FBXW7: variants seen among roughly 807,000 people sequenced by gnomAD.
FBXW7 encodes the protein F-box and WD repeat domain containing 7, also known as F-box/WD repeat-containing protein 7.
A neutral mutation model predicts 86.3 loss-of-function variants in FBXW7; 11 were observed. The observed-to-expected ratio is 0.13, with a 90% CI of 0.08 to 0.21. The LOEUF (loss-of-function observed/expected upper bound fraction) is 0.21. Among genes scored for constraint, FBXW7 ranks in the 10% least tolerant of loss-of-function variants. The pLI is 1.00. For missense variants in FBXW7, 488 were observed against 847.4 expected (o/e 0.58, Z 5.27); for synonymous variants, 313 against 297.9 (o/e 1.05, Z -0.52).
At chr4:152,497,464 C>G (rs988082506) in intron 2 of FBXW7, among the ~76,000 whole-genome samples, 1 of 149,082 alleles carries the variant, frequency 6.7e-6, no homozygotes, top group Non-Finnish European at 1.5e-5. Flanking sequence ...GGTTCAATAC[C>G]CAATAGGAAA....
intron 2 of FBXW7, among the ~76,000 whole-genome samples, chr4:152,505,876 G>A (rs955368103): frequency 6.6e-6 from 1 of 151,852 alleles, no homozygotes; most frequent in Non-Finnish European, 1.5e-5. Flanking sequence ...AAGTAGCCAG[G>A]ATTACAGACG....
At chr4:152,348,783 A>G in intron 5 of FBXW7, 1 of 832,088 alleles carries the variant, frequency 1.2e-6, no homozygotes, top group Non-Finnish European at 1.7e-6. Context: ...ATACTTTATC[A>G]TGACTAGAAG....
intron 2 of FBXW7, among the ~76,000 whole-genome samples, chr4:152,457,522 T>C (rs534132657): frequency 6.6e-6 from 1 of 151,770 alleles, no homozygotes; most frequent in South Asian, 2.1e-4. Context: ...CAGGCGCCTG[T>C]AGTCCCAGCT....
chr4:152,535,270 G>A lies in FBXW7; in HGVS notation c.-356C>T, dbSNP rs944512538. ...GGGTGGAGGCTGCGGCCGGCCCCCCGGGTCCCCCCCGGCCCCGCCGCCCTC... is the reference window on the plus strand; with the variant it reads ...GGGTGGAGGCTGCGGCCGGCCCCCCAGGTCCCCCCCGGCCCCGCCGCCCTC... On this transcript the variant is annotated 5_prime_UTR_variant, in exon 1 of 14. Transcript: ENST00000281708. 3.8e-6 allele frequency: 1 copy of A among 261,798 alleles called. No homozygotes were observed. The highest frequency in any genetic ancestry group is 7.2e-6 in the Non-Finnish European group (1 of 138,750). 16.2% of individuals were successfully genotyped at this position (261,798 alleles called of 1,614,324 possible).
chr4:152,353,190 T>C (rs1008504129), intron 4 of FBXW7, among the ~76,000 whole-genome samples: 6 of 152,150 alleles, frequency 3.9e-5, no homozygotes, highest in Non-Finnish European at 8.8e-5. Context: ...AAGCATGCTA[T>C]TTTCACTGTC....
rs555015640 is a variant in FBXW7 at position 152,362,344 on chromosome 4, C to A, written c.502-12220G>T. The stretch of plus-strand genomic sequence containing the variant: ...TCCTATGAGGAATAGTCTAAATCTA[C>A]CCAAAAGAATATCAATTCAAAGCTA... On this transcript the variant is annotated intron_variant, in intron 4 of 13. Transcript: ENST00000281708. Among the ~76,000 whole-genome samples the A allele has an allele frequency of 2.5e-4, 38 of 152,148 alleles. 1 individual carries two copies. Among genetic ancestry groups the A allele is most frequent in the Non-Finnish European group, 3.7e-4 (25 of 67,992 alleles).
chr4:152,465,649 G>A lies in FBXW7; in HGVS notation c.-119-53120C>T, dbSNP rs373634571. ...ACCTGAGGTCAGGAGTTAGAGACCA[G>A]CCTGTCCAACATGGTGAGACCCCAT... On this transcript the variant is annotated intron_variant, in intron 2 of 13. Coordinates refer to ENST00000281708, the MANE Select transcript of FBXW7 (RefSeq NM_001349798.2). Among the ~76,000 whole-genome samples, 133 of 152,108 alleles carry A rather than the reference G, an allele frequency of 8.7e-4. 1 individual carries two copies. Among genetic ancestry groups the A allele is most frequent in the African/African-American group, 3.1e-3 (129 of 41,490 alleles).
intron 4 of FBXW7, among the ~76,000 whole-genome samples, chr4:152,390,911 T>C (rs1010831805): frequency 1.3e-5 from 2 of 151,770 alleles, no homozygotes; most frequent in African/African-American, 4.8e-5. Context: ...CTCAACCAAA[T>C]TGACAGTTTG....
At chr4:152,510,318 T>C (rs1476714145) in intron 2 of FBXW7, among the ~76,000 whole-genome samples, 1 of 152,234 alleles carries the variant, frequency 6.6e-6, no homozygotes, top group East Asian at 1.9e-4. Flanking sequence ...GAAGAACAAC[T>C]GCTGATTCAA....
At chr4:152,503,499 T>C (rs1747138204) in intron 2 of FBXW7, among the ~76,000 whole-genome samples, 2 of 152,164 alleles carry the variant, frequency 1.3e-5, no homozygotes, top group Non-Finnish European at 2.9e-5. Context: ...CTCGATCTCC[T>C]GGCCTCAAGA....
chr4:152,330,517 TTTAAC>T (rs1729456256), intron 9 of FBXW7, among the ~76,000 whole-genome samples: 2 of 152,028 alleles, frequency 1.3e-5, no homozygotes. Flanking sequence ...AGATACTCAA[TTTAAC>T]TTATCTTTTA....
At chr4:152,508,234 A>G (rs1317779949) in intron 2 of FBXW7, among the ~76,000 whole-genome samples, 1 of 152,174 alleles carries the variant, frequency 6.6e-6, no homozygotes, top group Non-Finnish European at 1.5e-5. Flanking sequence ...CTGTAAGTCC[A>G]TCTGATATAA....
Position 152,332,705 on chromosome 4 carries a change from C to A in FBXW7, c.876G>T (p.Val292=). 1 of 1,585,512 alleles carries A rather than the reference C, an allele frequency of 6.3e-7. No individual in the cohort carries two copies. Among genetic ancestry groups the A allele is most frequent in the Non-Finnish European group, 8.6e-7 (1 of 1,162,346 alleles). The change falls in exon 8 of 14, where the codon GTG becomes GTT. Residue 292 remains valine (V), a synonymous_variant. Coordinates refer to ENST00000281708, the MANE Select transcript of FBXW7 (RefSeq NM_001349798.2). ...SLLPKELALY[V]LSFLEPKDLL... The stretch of plus-strand genomic sequence containing the variant: ...GGTCTTTGGGTTCCAGGAATGAAAG[C>A]ACATAGAGTGCCAACTAAGAAAAAA...
At chr4:152,521,707 GATCCCAGCAAAGAAGA>G (rs1322400937) in intron 2 of FBXW7, among the ~76,000 whole-genome samples, 5 of 151,834 alleles carry the variant, frequency 3.3e-5, no homozygotes, top group Non-Finnish European at 5.9e-5. Flanking sequence ...ATCCCAAAGG[GATCCCAGCAAAGAAGA>G]GTCAATTCAA....
At position 152,442,226 on chromosome 4, in the gene FBXW7, C is replaced by T. The variant is rs544486569; in HGVS notation, c.-119-29697G>A. Among the ~76,000 whole-genome samples the T allele has an allele frequency of 1.2e-3, 185 of 152,300 alleles. 3 individuals carry two copies. Among genetic ancestry groups the T allele is most frequent in the Admixed American group, 1.8e-3 (27 of 15,306 alleles). On this transcript the variant is annotated intron_variant, in intron 2 of 13. Coordinates refer to ENST00000281708, the MANE Select transcript of FBXW7 (RefSeq NM_001349798.2). ...TTCCTCAGGGTATTATATGCTTTCT[C>T]GTAGCATCAACTACAATCTACAGTG...
intron 5 of FBXW7, 151 bp downstream of exon 5, chr4:152,349,891 G>A (rs1731640308): frequency 2.5e-6 from 1 of 397,770 alleles, no homozygotes; most frequent in Admixed American, 4.5e-5. Flanking sequence ...TATTTAAAAT[G>A]ATATAGTTCT....
chr4:152,344,960 C>G (rs990635128), intron 6 of FBXW7, among the ~76,000 whole-genome samples: 2 of 152,078 alleles, frequency 1.3e-5, no homozygotes, highest in African/African-American at 4.8e-5. Context: ...AATTTTCAAT[C>G]ATGTTGGTAT....
chr4:152,392,672 A>G (rs533029211), intron 4 of FBXW7, among the ~76,000 whole-genome samples: 1 of 152,312 alleles, frequency 6.6e-6, no homozygotes, highest in South Asian at 2.1e-4. Context: ...GTCAGGTGAC[A>G]ATGGATAACC....
intron 2 of FBXW7, among the ~76,000 whole-genome samples, chr4:152,434,751 A>G (rs1201098994): frequency 1.3e-5 from 2 of 152,244 alleles, no homozygotes; most frequent in Non-Finnish European, 2.9e-5. Context: ...AGATACAGAC[A>G]TATGAGAGCA....
Sources: allele counts gnomAD v4.1 joint callset (sites outside exome capture counted in the v4.1 genomes callset), GRCh38; gene constraint gnomAD v4.1.1; transcripts MANE v1.5; gene names NCBI Gene and HGNC (gene_info 2026-07-23, HGNC 2026-07-21).